Variants in CLYBL observed in about 807,000 individuals in gnomAD.
The protein encoded by CLYBL is citramalyl-CoA lyase, mitochondrial.
In CLYBL, 31 loss-of-function variants were observed where a neutral mutation model predicts 38.9. The observed-to-expected ratio is 0.80, with a 90% CI of 0.60 to 1.08. The LOEUF is 1.08. CLYBL is among the 50% of genes least tolerant of loss of function. The pLI is 0.00. For missense variants in CLYBL, 434 were observed against 411.6 expected, an observed-to-expected ratio of 1.05 and a Z score of -0.47; for synonymous variants, 171 against 158.6, an observed-to-expected ratio of 1.08 and a Z score of -0.59.
intron 1 of CLYBL, among the ~76,000 whole-genome samples, chr13:99,748,429 GTTTTT>G (rs1165919560): frequency 1.1e-5 from 1 of 87,686 alleles, no homozygotes; most frequent in East Asian, 3.6e-4. Flanking sequence ...CTAGTTTTGT[GTTTTT>G]TTTTTTTTTT....
intron 2 of CLYBL, among the ~76,000 whole-genome samples, chr13:99,856,856 C>T (rs1048709241): frequency 1.3e-5 from 2 of 150,154 alleles, no homozygotes; most frequent in African/African-American, 4.9e-5. Context: ...CCAGGCTGGT[C>T]TTGAACTCTT....
chr13:99,772,757 T>A (rs1242112672), intron 1 of CLYBL, 67 bp from the exon 2 acceptor site: 19 of 1,255,368 alleles, frequency 1.5e-5, no homozygotes, highest in Non-Finnish European at 7.8e-6. Context: ...CATTAAAATA[T>A]AGTTTTTCAC....
At chr13:99,813,944 T>C (rs1307482336) in intron 2 of CLYBL, among the ~76,000 whole-genome samples, 1 of 152,124 alleles carries the variant, frequency 6.6e-6, no homozygotes, top group Non-Finnish European at 1.5e-5. Context: ...CTGAACTCCC[T>C]CTCCCTTTCC....
chr13:99,608,248 T>G (rs2046563778), intron 1 of CLYBL, among the ~76,000 whole-genome samples: 1 of 151,794 alleles, frequency 6.6e-6, no homozygotes, highest in East Asian at 1.9e-4. Context: ...AATTTTTGTA[T>G]TTTTAATAGA....
intron 1 of CLYBL, among the ~76,000 whole-genome samples, chr13:99,705,833 G>C (rs920144802): frequency 2.6e-5 from 4 of 152,038 alleles, no homozygotes; most frequent in African/African-American, 9.7e-5. Flanking sequence ...ATACATAGTG[G>C]TAATGGATGC....
chr13:99,805,692 C>G (rs2050219290), intron 2 of CLYBL, among the ~76,000 whole-genome samples: 1 of 151,976 alleles, frequency 6.6e-6, no homozygotes, highest in Non-Finnish European at 1.5e-5. Context: ...AGCAGGTGCC[C>G]TTATTTTTAT....
intron 2 of CLYBL, among the ~76,000 whole-genome samples, chr13:99,840,989 G>A (rs2051062162): frequency 6.6e-6 from 1 of 152,028 alleles, no homozygotes; most frequent in South Asian, 2.1e-4. Flanking sequence ...GAAATGGAAT[G>A]TGGTCACATT....
At position 99,702,613 on chromosome 13, in the gene CLYBL, CAA is replaced by C. The variant is rs1172453126; in HGVS notation, c.63-70210_63-70209del. Among the ~76,000 whole-genome samples the C allele has an allele frequency of 1.6e-4, 17 of 103,902 alleles. No homozygotes were observed. The Admixed American group carries it at 1.9e-3, about 12-fold the overall frequency. 68.2% of individuals were successfully genotyped at this position (103,902 alleles called of 152,430 possible). On this transcript the variant is annotated intron_variant, in intron 1 of 8. Coordinates refer to ENST00000339105, the MANE Select transcript of CLYBL (RefSeq NM_206808.5). ...CACCATGGCACTCCAGCCTGGGCAACAAGAGTGAAATTCCGTCTCAAAAAAAA... is the reference window on the plus strand; with the variant it reads ...CACCATGGCACTCCAGCCTGGGCAACGAGTGAAATTCCGTCTCAAAAAAAA...
chr13:99,798,316 C>G (rs775584303), intron 2 of CLYBL, among the ~76,000 whole-genome samples: 1 of 152,156 alleles, frequency 6.6e-6, no homozygotes, highest in Non-Finnish European at 1.5e-5. Context: ...GCTTACTGCT[C>G]TCTTTGGCCC....
chr13:99,616,802 A>G (rs1331748053), intron 1 of CLYBL, among the ~76,000 whole-genome samples: 3 of 152,082 alleles, frequency 2.0e-5, no homozygotes, highest in Admixed American at 6.5e-5. Flanking sequence ...CTAAAAATAC[A>G]AAAATTAGCC....
chr13:99,846,286 ATTTTTTTT>A (rs5806139), intron 2 of CLYBL, among the ~76,000 whole-genome samples: 8 of 108,154 alleles, frequency 7.4e-5, no homozygotes, highest in African/African-American at 2.6e-4. Flanking sequence ...TTGTGTGGAG[ATTTTTTTT>A]TTTTTTTTTT....
intron 1 of CLYBL, among the ~76,000 whole-genome samples, chr13:99,682,115 A>G (rs1036514013): frequency 1.3e-4 from 20 of 151,924 alleles, no homozygotes; most frequent in Non-Finnish European, 1.8e-4. Flanking sequence ...ACTGTAGGCA[A>G]TTGTAACACA....
intron 2 of CLYBL, among the ~76,000 whole-genome samples, chr13:99,773,883 A>G (rs2761173): frequency 0.033 from 4,969 of 152,254 alleles, 191 homozygotes; most frequent in African/African-American, 0.095. Flanking sequence ...GGTTGGCTGT[A>G]GCTTCTGGCT....
At chr13:99,708,788 G>A (rs572186311) in intron 1 of CLYBL, among the ~76,000 whole-genome samples, 15 of 152,186 alleles carry the variant, frequency 9.9e-5, no homozygotes, top group Non-Finnish European at 2.1e-4. Context: ...CATTGTAGAT[G>A]TAATTATTTA....
chr13:99,787,296 C>T (rs1163187790), intron 2 of CLYBL, among the ~76,000 whole-genome samples: 28 of 152,148 alleles, frequency 1.8e-4, no homozygotes, highest in East Asian at 1.7e-3. Flanking sequence ...TGAATGGTAT[C>T]GCCTAGGTTT....
intron 1 of CLYBL, among the ~76,000 whole-genome samples, chr13:99,764,101 AGTGCAGTCACAGCTCG>A (rs143302301): frequency 0.045 from 6,892 of 152,004 alleles, 265 homozygotes; most frequent in African/African-American, 0.096. Context: ...GGAGTGCAGC[AGTGCAGTCACAGCTCG>A]GTGCAGTCAC....
intron 2 of CLYBL, among the ~76,000 whole-genome samples, chr13:99,808,815 T>C (rs1432107878): frequency 6.6e-6 from 1 of 152,210 alleles, no homozygotes; most frequent in East Asian, 1.9e-4. Context: ...ACCCACATGA[T>C]CTTTTCCATG....
At chr13:99,803,868 G>A (rs2390357) in intron 2 of CLYBL, among the ~76,000 whole-genome samples, 86,661 of 151,960 alleles carry the variant, frequency 0.57, 25,332 homozygotes, top group Middle Eastern at 0.68. Flanking sequence ...GGGTTCGACT[G>A]CAGTCCTAAC....
chr13:99,684,186 A>ATTTT lies in CLYBL; in HGVS notation c.62+77446_62+77449dup, dbSNP rs965852345. Among the ~76,000 whole-genome samples the ATTTT allele has an allele frequency of 1.1e-3, 123 of 108,010 alleles. 3 individuals are homozygous for ATTTT. The highest frequency in any genetic ancestry group is 4.4e-3 in the African/African-American group (115 of 26,288). The allele number at this position is 108,010 out of a possible 152,430, so 70.9% of individuals were successfully genotyped here. A position where few individuals can be genotyped will look rare whatever the true frequency, so the allele number is the denominator to read the frequency against. Reference sequence around the variant, plus strand: ...TGAGCCACCGGGCCTGGCATGTTTGATTTTTTTTTTTTTTTTTTTTGAGAC... The same window carrying ATTTT: ...TGAGCCACCGGGCCTGGCATGTTTGATTTTTTTTTTTTTTTTTTTTTTTTGAGAC... On this transcript the variant is annotated intron_variant, in intron 1 of 8. Transcript: ENST00000339105.
Sources: allele counts gnomAD v4.1 joint callset (sites outside exome capture counted in the v4.1 genomes callset), GRCh38; gene constraint gnomAD v4.1.1; transcripts MANE v1.5; gene names NCBI Gene and HGNC (gene_info 2026-07-23, HGNC 2026-07-21).